Variants in ENOX1 observed in about 807,000 individuals in gnomAD.
ENOX1 encodes ecto-NOX disulfide-thiol exchanger 1, also known as candidate growth-related and time keeping constitutive hydroquinone (NADH) oxidase.
Under a neutral mutation model 82.5 loss-of-function variants are expected in ENOX1, and 42 were observed. The observed-to-expected ratio is 0.51, with a 90% CI of 0.40 to 0.66. The LOEUF (loss-of-function observed/expected upper bound fraction) is 0.66. Among genes scored for constraint, ENOX1 ranks in the 30% least tolerant of loss-of-function variants. The pLI is 0.00. For synonymous variants in ENOX1, 271 were observed against 282.2 expected, an observed-to-expected ratio of 0.96 and a Z score of 0.40; for missense variants, 608 against 811.6, an observed-to-expected ratio of 0.75 and a Z score of 3.05.
At chr13:43,644,149 A>T (rs1482133698) in intron 2 of ENOX1, among the ~76,000 whole-genome samples, 1 of 152,186 alleles carries the variant, frequency 6.6e-6, no homozygotes, top group Non-Finnish European at 1.5e-5. Context: ...CACACATGTG[A>T]GTTATCATTA....
chr13:43,462,661 G>A (rs2057541007), intron 3 of ENOX1, among the ~76,000 whole-genome samples: 1 of 152,214 alleles, frequency 6.6e-6, no homozygotes, highest in African/African-American at 2.4e-5. Flanking sequence ...AATTCTTCGA[G>A]AGGGTAGCAA....
chr13:43,710,486 T>C (rs191545416), intron 1 of ENOX1, among the ~76,000 whole-genome samples: 135 of 152,252 alleles, frequency 8.9e-4, no homozygotes, highest in Non-Finnish European at 1.8e-3. Context: ...TAGCAAAATG[T>C]ACAGCAAGCA....
At chr13:43,352,994 C>T (rs1294074397) in intron 8 of ENOX1, among the ~76,000 whole-genome samples, 1 of 152,200 alleles carries the variant, frequency 6.6e-6, no homozygotes, top group South Asian at 2.1e-4. Context: ...CACCTAAACT[C>T]TTTGAGGCAG....
chr13:43,535,008 A>T (rs2078391145), intron 2 of ENOX1, among the ~76,000 whole-genome samples: 2 of 152,208 alleles, frequency 1.3e-5, no homozygotes, highest in Admixed American at 6.6e-5. Flanking sequence ...AGTTTTCATT[A>T]TCAGAGATCT....
At chr13:43,695,967 T>C (rs2153806505) in intron 1 of ENOX1, among the ~76,000 whole-genome samples, 1 of 152,290 alleles carries the variant, frequency 6.6e-6, no homozygotes, top group East Asian at 1.9e-4. Flanking sequence ...CTACAACCCA[T>C]GATAACTACT....
At chr13:43,282,511 G>T (rs188869936) in intron 12 of ENOX1, among the ~76,000 whole-genome samples, 1 of 150,252 alleles carries the variant, frequency 6.7e-6, no homozygotes. Flanking sequence ...GCAGTGGCTC[G>T]ACTGCAGCCT....
At chr13:43,601,612 G>C (rs539432766) in intron 2 of ENOX1, among the ~76,000 whole-genome samples, 169 of 152,110 alleles carry the variant, frequency 1.1e-3, no homozygotes, top group Non-Finnish European at 1.9e-3. Flanking sequence ...TAGAGAGAAA[G>C]AGAGATAGGG....
chr13:43,410,046 C>G (rs894899087), intron 5 of ENOX1, among the ~76,000 whole-genome samples: 7 of 152,288 alleles, frequency 4.6e-5, no homozygotes, highest in Admixed American at 4.6e-4. Flanking sequence ...GGTAAATCTT[C>G]TATAACGCGT....
intron 15 of ENOX1, among the ~76,000 whole-genome samples, chr13:43,224,720 G>A (rs941123221): frequency 2.0e-5 from 3 of 152,172 alleles, no homozygotes; most frequent in Non-Finnish European, 4.4e-5. Flanking sequence ...TCCCCTTCTT[G>A]CTGCTGTAAT....
intron 8 of ENOX1, among the ~76,000 whole-genome samples, chr13:43,353,767 T>A (rs1283838876): frequency 6.6e-6 from 1 of 152,254 alleles, no homozygotes; most frequent in African/African-American, 2.4e-5. Context: ...CTATTAAAAT[T>A]TCCAATCTGT....
At chr13:43,324,757 G>A (rs1196810447) in intron 10 of ENOX1, among the ~76,000 whole-genome samples, 1 of 152,076 alleles carries the variant, frequency 6.6e-6, no homozygotes, top group African/African-American at 2.4e-5. Context: ...AGGCTCCTTA[G>A]ACCTGCATGG....
At chr13:43,292,977 C>T (rs2153503106) in intron 12 of ENOX1, among the ~76,000 whole-genome samples, 1 of 152,028 alleles carries the variant, frequency 6.6e-6, no homozygotes, top group East Asian at 1.9e-4. Flanking sequence ...CCATCCTTGC[C>T]ACAGCTGCCT....
intron 11 of ENOX1, among the ~76,000 whole-genome samples, chr13:43,300,530 A>C (rs1455399310): frequency 1.3e-5 from 2 of 152,248 alleles, no homozygotes; most frequent in Non-Finnish European, 2.9e-5. Flanking sequence ...AAGCCAGAGC[A>C]TAAGCAAAAG....
At chr13:43,505,265 G>A (rs1204801933) in intron 2 of ENOX1, among the ~76,000 whole-genome samples, 1 of 151,878 alleles carries the variant, frequency 6.6e-6, no homozygotes, top group Non-Finnish European at 1.5e-5. Context: ...ATGAGGAAAT[G>A]CTAGAAAAAT....
At chr13:43,236,613 T>C (rs371476221) in intron 15 of ENOX1, 23 bp downstream of exon 15, 5 of 1,417,968 alleles carry the variant, frequency 3.5e-6, no homozygotes, top group Non-Finnish European at 3.8e-6. Flanking sequence ...AGAGAACAGA[T>C]GAAGAAAACA....
chr13:43,268,678 A>C (rs1006983152), intron 13 of ENOX1, among the ~76,000 whole-genome samples: 3 of 152,202 alleles, frequency 2.0e-5, no homozygotes, highest in African/African-American at 7.2e-5. Flanking sequence ...ACAATATAAA[A>C]CGATTATGTG....
chr13:43,709,966 G>A lies in ENOX1; in HGVS notation c.-284-42422C>T, dbSNP rs143857117. Among the ~76,000 whole-genome samples, 674 of 152,216 alleles carry A rather than the reference G, an allele frequency of 4.4e-3. 4 individuals carry two copies. Among genetic ancestry groups the A allele is most frequent in the Admixed American group, 0.011 (161 of 15,280 alleles). On this transcript the variant is annotated intron_variant, in intron 1 of 16. Coordinates refer to ENST00000690772, the MANE Select transcript of ENOX1 (RefSeq NM_001347969.2). ...CAAACAGATCATTCCTATTTTATAT[G>A]TTATTAAAGCACACAGAACAAGAGG... is the stretch of plus-strand genomic sequence containing the variant.
At position 43,640,882 on chromosome 13, in the gene ENOX1, G is replaced by GTACACACACA. The variant is rs1566688772; in HGVS notation, c.-219+26596_-219+26597insTGTGTGTGTA. On this transcript the variant is annotated intron_variant, in intron 2 of 16. Coordinates refer to ENST00000690772, the MANE Select transcript of ENOX1 (RefSeq NM_001347969.2). ...CACATACACACATGCACACACACAC[G>GTACACACACA]CGCACACACACACGTACACACACAC... is the stretch of plus-strand genomic sequence containing the variant. Among the ~76,000 whole-genome samples, 9 of 134,590 alleles carry GTACACACACA rather than the reference G, an allele frequency of 6.7e-5. No individual in the cohort carries two copies. The East Asian group carries it at 8.7e-4, about 13-fold the overall frequency. 88.3% of individuals were successfully genotyped at this position (134,590 alleles called of 152,430 possible).
intron 16 of ENOX1, among the ~76,000 whole-genome samples, chr13:43,214,869 C>T (rs553549059): frequency 1.6e-4 from 25 of 152,208 alleles, no homozygotes; most frequent in South Asian, 2.1e-4. Context: ...TACAGCAGGG[C>T]GGCCAATTTG....
Sources: allele counts gnomAD v4.1 joint callset (sites outside exome capture counted in the v4.1 genomes callset), GRCh38; gene constraint gnomAD v4.1.1; transcripts MANE v1.5; gene names NCBI Gene and HGNC (gene_info 2026-07-23, HGNC 2026-07-21).